SRGAP2: variants seen among roughly 807,000 people sequenced by gnomAD.
SRGAP2 encodes the protein SLIT-ROBO Rho GTPase-activating protein 2.
A neutral mutation model predicts 57.2 loss-of-function variants in SRGAP2; 15 were observed. That is an observed-to-expected ratio of 0.26 (90% confidence interval 0.18 to 0.40). SRGAP2 has a LOEUF of 0.40. SRGAP2 is among the 10% of genes least tolerant of loss of function. The probability of loss-of-function intolerance (pLI) is 1.00; values close to 1 mark genes in which losing one functional copy is unlikely to be tolerated. For missense variants in SRGAP2, 520 were observed against 669.6 expected (o/e 0.78, Z 2.47); for synonymous variants, 249 against 248.0 (o/e 1.00, Z -0.04).
At chr1:206,283,804 A>G (rs1670872025) in intron 2 of SRGAP2, among the ~76,000 whole-genome samples, 1 of 143,094 alleles carries the variant, frequency 7.0e-6, no homozygotes, top group African/African-American at 2.6e-5. Context: ...TTTCTTTTAC[A>G]TCAACATTAT....
Position 206,454,659 on chromosome 1 carries a change from C to G in SRGAP2, c.2361-219C>G, listed in dbSNP as rs2297553. The G allele has an allele frequency of 2.1e-4, 112 of 530,708 alleles. No homozygotes were observed. In the East Asian group the frequency reaches 3.6e-3, roughly 17 times the overall value. 32.9% of individuals were successfully genotyped at this position (530,708 alleles called of 1,614,324 possible). On this transcript the variant is annotated intron_variant, in intron 20 of 22. Transcript: ENST00000573034. This position sits in a 1 kb window ranked among gnomAD's most constrained non-coding sequence, Gnocchi z 4.3. ...CTTTCCTGAGGAGCTGAGGAGCCCG[C>G]AGAACTCAGCGGATTATTTATTTTT...
intron 4 of SRGAP2, among the ~76,000 whole-genome samples, chr1:206,358,174 T>C (rs1366608317): frequency 3.3e-5 from 5 of 152,050 alleles, no homozygotes; most frequent in Admixed American, 2.6e-4. Flanking sequence ...TGGAGTTCTT[T>C]CACCATGCTG....
intron 2 of SRGAP2, among the ~76,000 whole-genome samples, chr1:206,283,048 C>A (rs1407881741): frequency 0.011 from 1,691 of 148,936 alleles, 11 homozygotes; most frequent in South Asian, 0.024. Context: ...CGGTTCCTTG[C>A]ATGCAGCTTC....
intron 2 of SRGAP2, among the ~76,000 whole-genome samples, chr1:206,273,785 T>A (rs1358964203): frequency 6.8e-6 from 1 of 147,760 alleles, no homozygotes; most frequent in Non-Finnish European, 1.5e-5. Context: ...CTGTGGGTGG[T>A]CACTGTGTTG....
At chr1:206,364,547 C>T (rs1352771795) in intron 4 of SRGAP2, among the ~76,000 whole-genome samples, 2 of 151,984 alleles carry the variant, frequency 1.3e-5, no homozygotes, top group Admixed American at 6.6e-5. Context: ...GTGATCCACC[C>T]GCCTCGGCCT....
rs1424369295 is a variant in SRGAP2, at chr1:206,207,766, AG to A, written c.67+1731del. On this transcript the variant is annotated intron_variant, in intron 2 of 22. Coordinates refer to ENST00000573034, the MANE Select transcript of SRGAP2 (RefSeq NM_015326.5). ...TGACTTTAAATGTTTAATTTTTGGA[AG>A]GTTCAAGGCTGATAGGTGTTAATAG... The A allele has an allele frequency of 1.6e-3, 183 of 113,320 alleles. 1 individual carries two copies. The highest frequency in any genetic ancestry group is 0.016 in the Admixed American group (172 of 10,836). The allele number at this position is 113,320 out of a possible 1,614,324, so 7.0% of individuals were successfully genotyped here. A position where few individuals can be genotyped will look rare whatever the true frequency, so the allele number is the denominator to read the frequency against.
chr1:206,208,513 CTATT>C (rs1254153053), intron 2 of SRGAP2, among the ~76,000 whole-genome samples: 1 of 152,046 alleles, frequency 6.6e-6, no homozygotes, highest in East Asian at 1.9e-4. Context: ...TATTCATTAA[CTATT>C]TATTGAGTGC....
chr1:206,372,976 T>TCCTTC lies in SRGAP2; in HGVS notation c.424-11037_424-11036insCTTCC, dbSNP rs1453359343. 1.4e-4 allele frequency among the ~76,000 whole-genome samples: 7 copies of TCCTTC among 49,852 alleles called. 1 individual carries two copies. Among genetic ancestry groups the TCCTTC allele is most frequent in the African/African-American group, 5.8e-4 (6 of 10,282 alleles). The allele number at this position is 49,852 out of a possible 152,430, so 32.7% of individuals were successfully genotyped here. Reference sequence around the variant, plus strand: ...CTTTCTTTTCTTTCCTTTCTTTCTTTCTTTCTTTCTTTCTTTCTTTCTTTC... The same window carrying TCCTTC: ...CTTTCTTTTCTTTCCTTTCTTTCTTTCCTTCCTTTCTTTCTTTCTTTCTTTCTTTC... On this transcript the variant is annotated intron_variant, in intron 4 of 22. Coordinates refer to ENST00000573034, the MANE Select transcript of SRGAP2 (RefSeq NM_015326.5).
At chr1:206,450,554 C>T in intron 19 of SRGAP2, 89 bp downstream of exon 19, 2 of 699,880 alleles carry the variant, frequency 2.9e-6, no homozygotes, top group Non-Finnish European at 2.7e-6. Flanking sequence ...ATGAACCTGT[C>T]TGCCCAGCGG....
chr1:206,324,790 A>G (rs1383717556), intron 3 of SRGAP2, among the ~76,000 whole-genome samples: 6 of 152,142 alleles, frequency 3.9e-5, no homozygotes, highest in Non-Finnish European at 8.8e-5. Context: ...GAGGAAAACA[A>G]TCATCGTAGT....
intron 14 of SRGAP2, among the ~76,000 whole-genome samples, chr1:206,432,051 A>G (rs1246631212): frequency 7.9e-5 from 12 of 152,222 alleles, no homozygotes; most frequent in African/African-American, 2.9e-4. Context: ...CCACTGGAGA[A>G]TTTTGAACAG....
chr1:206,360,350 G>T (rs1183269347), intron 4 of SRGAP2, among the ~76,000 whole-genome samples: 1 of 147,450 alleles, frequency 6.8e-6, no homozygotes, highest in Non-Finnish European at 1.5e-5. Flanking sequence ...GTCTGGGGCA[G>T]CGAGCAGGTT....
At chr1:206,337,408 CG>C (rs1315625858) in intron 3 of SRGAP2, among the ~76,000 whole-genome samples, 3 of 80,452 alleles carry the variant, frequency 3.7e-5, no homozygotes, top group Non-Finnish European at 7.0e-5. Flanking sequence ...GGCCCAGAGC[CG>C]GGTGAGAAGC....
chr1:206,457,400 C>T (rs1171251702), intron 21 of SRGAP2, among the ~76,000 whole-genome samples: 2 of 152,156 alleles, frequency 1.3e-5, no homozygotes, highest in Non-Finnish European at 2.9e-5. Context: ...GCATCAGATG[C>T]TCTGAAGGTA....
intron 2 of SRGAP2, among the ~76,000 whole-genome samples, chr1:206,230,412 A>G (rs1388237936): frequency 1.4e-5 from 2 of 143,882 alleles, no homozygotes; most frequent in African/African-American, 2.6e-5. Flanking sequence ...GAGTACTGGC[A>G]TGACCCATGA....
At chr1:206,319,059 G>A (rs1291963087) in intron 3 of SRGAP2, among the ~76,000 whole-genome samples, 5 of 152,100 alleles carry the variant, frequency 3.3e-5, no homozygotes, top group Admixed American at 2.6e-4. Flanking sequence ...TATGGGCTTT[G>A]TCTTGGATTT....
chr1:206,325,610 G>T (rs1173653527), intron 3 of SRGAP2, among the ~76,000 whole-genome samples: 4 of 150,090 alleles, frequency 2.7e-5, no homozygotes, highest in African/African-American at 9.9e-5. Context: ...CTCCCAAAGT[G>T]CTGGGAATGC....
intron 14 of SRGAP2, among the ~76,000 whole-genome samples, chr1:206,430,848 G>A (rs1661225027): frequency 6.6e-6 from 1 of 152,164 alleles, no homozygotes; most frequent in African/African-American, 2.4e-5. Flanking sequence ...CCAGCTACTG[G>A]TCTCATTGGA....
chr1:206,344,582 C>T (rs1553336410), intron 4 of SRGAP2, among the ~76,000 whole-genome samples: 2 of 145,658 alleles, frequency 1.4e-5, no homozygotes, highest in African/African-American at 2.6e-5. Flanking sequence ...TAGTTTCCTC[C>T]TCCGTTTTCT....
Sources: gnomAD v4.1 joint callset for allele counts (sites outside exome capture counted in the v4.1 genomes callset) on GRCh38, gnomAD v4.1.1 for gene constraint, Gnocchi (gnomAD v3.1) non-coding constraint, MANE v1.5 for transcripts, NCBI Gene and HGNC (gene_info 2026-07-23, HGNC 2026-07-21) for gene names.